RIMS1: variants seen among roughly 807,000 people sequenced by gnomAD.
RIMS1 encodes the protein regulating synaptic membrane exocytosis protein 1.
RIMS1 carries 83 observed loss-of-function variants against 214.1 expected under a neutral mutation model. The ratio of observed to expected loss-of-function variants is 0.39; its 90% confidence interval spans 0.32 to 0.47. The LOEUF (loss-of-function observed/expected upper bound fraction) is 0.47. Ranked by LOEUF, RIMS1 falls within the 20% of genes least tolerant of loss-of-function variation. RIMS1 has a pLI of 0.99. For synonymous variants in RIMS1, 793 were observed against 786.8 expected (o/e 1.01, Z -0.13); for missense variants, 2,050 against 2,161.8 (o/e 0.95, Z 1.03).
At chr6:72,040,347 G>A (rs1206175163) in intron 2 of RIMS1, among the ~76,000 whole-genome samples, 1 of 151,986 alleles carries the variant, frequency 6.6e-6, no homozygotes, top group African/African-American at 2.4e-5. Flanking sequence ...AGGACTTAAT[G>A]AATAGTAGTC....
intron 4 of RIMS1, among the ~76,000 whole-genome samples, chr6:72,116,867 G>A (rs1214646867): frequency 1.3e-5 from 2 of 151,828 alleles, no homozygotes; most frequent in Non-Finnish European, 2.9e-5. Context: ...AGACATTTTT[G>A]GACTAATATT....
At chr6:72,277,550 C>G (rs935922527) in intron 23 of RIMS1, among the ~76,000 whole-genome samples, 1 of 151,134 alleles carries the variant, frequency 6.6e-6, no homozygotes, top group African/African-American at 2.4e-5. Flanking sequence ...CCACTGCACT[C>G]CAGCCTAGGC....
At chr6:72,120,952 T>G (rs1285568512) in intron 4 of RIMS1, among the ~76,000 whole-genome samples, 1 of 151,746 alleles carries the variant, frequency 6.6e-6, no homozygotes, top group Non-Finnish European at 1.5e-5. Flanking sequence ...TGTCAAAGAC[T>G]AGATGGTTGT....
chr6:72,400,913 C>T lies in RIMS1; in HGVS notation c.*199C>T, dbSNP rs532952365. 9 of 540,600 alleles carry T rather than the reference C, an allele frequency of 1.7e-5. No individual in the cohort carries two copies. Among genetic ancestry groups the T allele is most frequent in the Middle Eastern group, 4.9e-4 (1 of 2,048 alleles). The allele number at this position is 540,600 out of a possible 1,614,324, so 33.5% of individuals were successfully genotyped here. A position where few individuals can be genotyped will look rare whatever the true frequency, so the allele number is the denominator to read the frequency against. On this transcript the variant is annotated 3_prime_UTR_variant, in exon 34 of 34. Transcript: ENST00000521978. Reference sequence around the variant, plus strand: ...AGAACAAGGCAATCTATCAAATTTACAGGAAGAATCAACATGCTGGTGAGA... The same window carrying T: ...AGAACAAGGCAATCTATCAAATTTATAGGAAGAATCAACATGCTGGTGAGA...
chr6:71,927,670 A>C (rs1433475657), intron 1 of RIMS1, among the ~76,000 whole-genome samples: 1 of 152,028 alleles, frequency 6.6e-6, no homozygotes, highest in African/African-American at 2.4e-5. Flanking sequence ...GGAAATCTAT[A>C]CTCCTTAATA....
At chr6:72,266,661 C>A (rs954421054) in intron 22 of RIMS1, among the ~76,000 whole-genome samples, 2 of 152,046 alleles carry the variant, frequency 1.3e-5, no homozygotes, top group Non-Finnish European at 2.9e-5. Flanking sequence ...GACAATTTTG[C>A]TTAAAACTTT....
intron 27 of RIMS1, among the ~76,000 whole-genome samples, chr6:72,308,864 A>T (rs540041380): frequency 5.9e-5 from 9 of 152,294 alleles, no homozygotes; most frequent in African/African-American, 1.7e-4. Context: ...ATTATCACCT[A>T]ATCAGCCTAC....
intron 1 of RIMS1, among the ~76,000 whole-genome samples, chr6:71,960,644 C>T (rs1309582636): frequency 1.3e-5 from 2 of 152,060 alleles, no homozygotes; most frequent in African/African-American, 4.8e-5. Flanking sequence ...TAGTTTTTCT[C>T]ATGTCCTCTC....
chr6:72,366,790 G>T (rs190128986), intron 29 of RIMS1: 1 of 985,616 alleles, frequency 1.0e-6, no homozygotes, highest in Non-Finnish European at 1.2e-6. Flanking sequence ...TTTAAACCAG[G>T]TCAAAGCTTC....
At chr6:72,377,931 G>C (rs763019007) in intron 29 of RIMS1, among the ~76,000 whole-genome samples, 5 of 151,726 alleles carry the variant, frequency 3.3e-5, no homozygotes, top group African/African-American at 4.9e-5. Context: ...GTTGTTCTAA[G>C]TGTTTACCTC....
intron 29 of RIMS1, among the ~76,000 whole-genome samples, chr6:72,377,238 T>G (rs2098406375): frequency 1.3e-5 from 2 of 152,142 alleles, no homozygotes; most frequent in Admixed American, 1.3e-4. Flanking sequence ...GTACCTTGAG[T>G]GTCCTTGCGC....
At chr6:72,373,456 T>G (rs939577018) in intron 29 of RIMS1, among the ~76,000 whole-genome samples, 5 of 152,198 alleles carry the variant, frequency 3.3e-5, no homozygotes, top group Admixed American at 2.6e-4. Context: ...CATTTTTGTG[T>G]GTGATTAACA....
intron 4 of RIMS1, among the ~76,000 whole-genome samples, chr6:72,127,422 T>G (rs1436918527): frequency 1.3e-5 from 2 of 152,218 alleles, no homozygotes; most frequent in Non-Finnish European, 2.9e-5. Flanking sequence ...TTATTTAAAT[T>G]ATCTTAATTG....
intron 1 of RIMS1, among the ~76,000 whole-genome samples, chr6:71,932,692 T>C (rs371577417): frequency 2.6e-4 from 39 of 152,178 alleles, no homozygotes; most frequent in African/African-American, 9.1e-4. Context: ...CTCAGGCTAG[T>C]CTCTAACTCC....
At chr6:71,956,381 A>C (rs1470728534) in intron 1 of RIMS1, among the ~76,000 whole-genome samples, 1 of 152,170 alleles carries the variant, frequency 6.6e-6, no homozygotes, top group Non-Finnish European at 1.5e-5. Context: ...AACCAAGAAA[A>C]AATTGATATT....
intron 1 of RIMS1, among the ~76,000 whole-genome samples, chr6:71,949,925 G>T (rs946317641): frequency 6.6e-6 from 1 of 151,990 alleles, no homozygotes; most frequent in African/African-American, 2.4e-5. Flanking sequence ...ATTCATAACA[G>T]GTTTATTCAT....
intron 2 of RIMS1, among the ~76,000 whole-genome samples, chr6:72,001,975 T>C (rs144650269): frequency 3.7e-4 from 57 of 152,288 alleles, no homozygotes; most frequent in African/African-American, 1.3e-3. Context: ...ATCTCTATAA[T>C]GTAAGCTGTT....
chr6:72,244,378 A>G (rs1055946005), intron 10 of RIMS1, among the ~76,000 whole-genome samples: 2 of 151,862 alleles, frequency 1.3e-5, no homozygotes, highest in African/African-American at 4.8e-5. Context: ...AATTTTAACT[A>G]AAAGTCACTT....
rs776277313 is a variant in RIMS1 at position 71,929,389 on chromosome 6, A to G, written c.165-39594A>G. ...ATTTTGTATTTTTAAAAACTCTTAT[A>G]TGCCACATTTAGAACAAAGTACATT... On this transcript the variant is annotated intron_variant, in intron 1 of 33. Transcript: ENST00000521978. 5.9e-5 allele frequency among the ~76,000 whole-genome samples: 9 copies of G among 152,178 alleles called. No homozygotes were observed. The East Asian group carries it at 9.6e-4, about 16-fold the overall frequency.
Sources: gnomAD v4.1 joint callset for allele counts (sites outside exome capture counted in the v4.1 genomes callset) on GRCh38, gnomAD v4.1.1 for gene constraint, MANE v1.5 for transcripts, NCBI Gene and HGNC (gene_info 2026-07-23, HGNC 2026-07-21) for gene names.